Variants in YIPF7 observed in about 807,000 individuals in gnomAD.
The protein encoded by YIPF7 is Yip1 domain family member 7, also known as protein YIPF7.
A neutral mutation model predicts 27.2 loss-of-function variants in YIPF7; 35 were observed. The observed-to-expected ratio is 1.29, with a 90% CI of 0.98 to 1.70. The LOEUF (loss-of-function observed/expected upper bound fraction) is 1.70, where lower values mean the gene tolerates loss of function less well. Among genes scored for constraint, YIPF7 ranks in the 40% most tolerant of loss-of-function variants. The pLI is 0.00. For missense variants in YIPF7, 358 were observed against 303.7 expected (o/e 1.18, Z -1.33); for synonymous variants, 137 against 110.4 (o/e 1.24, Z -1.51).
At chr4:44,649,458 A>G (rs1292542169) in intron 2 of YIPF7, among the ~76,000 whole-genome samples, 3 of 152,160 alleles carry the variant, frequency 2.0e-5, no homozygotes, top group East Asian at 3.8e-4. Flanking sequence ...CCCTGCCATA[A>G]TATTAAGACT....
intron 3 of YIPF7, among the ~76,000 whole-genome samples, chr4:44,633,842 C>A (rs373168646): frequency 6.6e-6 from 1 of 151,894 alleles, no homozygotes; most frequent in Non-Finnish European, 1.5e-5. Context: ...ACAAAAAAAC[C>A]CATGAAAAAT....
At position 44,660,127 on chromosome 4, in the gene YIPF7, A is replaced by AAAAAAAAAAC. The variant is rs1560332847; in HGVS notation, c.-2+312_-2+321dup. On this transcript the variant is annotated intron_variant, in intron 2 of 2. Coordinates refer to the YIPF7 transcript ENST00000508947. ...AGACTCTGTCTCAAAAAAAAAAAAA[A>AAAAAAAAAAC]AAAAAAAAACGAACCTTACAGTGAC... Among the ~76,000 whole-genome samples, 6 of 146,792 alleles carry AAAAAAAAAAC rather than the reference A, an allele frequency of 4.1e-5. 1 individual carries two copies. Among genetic ancestry groups the AAAAAAAAAAC allele is most frequent in the African/African-American group, 1.5e-4 (6 of 40,634 alleles).
chr4:44,629,387 T>C lies in YIPF7; in HGVS notation c.426+16A>G. ...AGGACAAGCATTAAAATCTGGTGCT[T>C]CCTGTGACACATTACCAGAAGCAAG... is the stretch of plus-strand genomic sequence containing the variant. On this transcript the variant is annotated intron_variant, in intron 4 of 5. Transcript: ENST00000415895. 1.9e-6 allele frequency: 3 copies of C among 1,577,932 alleles called. No individual in the cohort carries two copies. Among genetic ancestry groups the C allele is most frequent in the Non-Finnish European group, 1.7e-6 (2 of 1,163,730 alleles).
chr4:44,660,548 G>A (rs1014387034), exon 2 of YIPF7: 1 of 152,234 alleles, frequency 6.6e-6, no homozygotes, highest in African/African-American at 2.4e-5. Context: ...CAAGTCCCCA[G>A]CTGGTCGAGT....
intron 2 of YIPF7, among the ~76,000 whole-genome samples, chr4:44,646,148 GAA>G (rs1713517495): frequency 2.6e-5 from 4 of 152,152 alleles, no homozygotes; most frequent in Non-Finnish European, 5.9e-5. Flanking sequence ...AGGCAACATA[GAA>G]TTAACTAGTT....
intron 2 of YIPF7, among the ~76,000 whole-genome samples, chr4:44,642,238 A>G (rs1713349632): frequency 6.6e-6 from 1 of 152,208 alleles, no homozygotes. Context: ...AAAATTTTAC[A>G]GAAAAAAATT....
intron 2 of YIPF7, among the ~76,000 whole-genome samples, chr4:44,658,715 A>G (rs1461944655): frequency 2.0e-5 from 3 of 152,224 alleles, no homozygotes; most frequent in Admixed American, 2.0e-4. Context: ...GTAATTTACA[A>G]AGAAAAATCA....
At chr4:44,640,245 A>G (rs1713280524) in intron 2 of YIPF7, among the ~76,000 whole-genome samples, 3 of 152,194 alleles carry the variant, frequency 2.0e-5, no homozygotes. Context: ...TTTTGGGAAC[A>G]GTTTCAAGAG....
chr4:44,661,234 G>C (rs74845996), intron 1 of YIPF7, among the ~76,000 whole-genome samples: 7,929 of 152,262 alleles, frequency 0.052, 268 homozygotes, highest in East Asian at 0.15. Context: ...TGAAGGTTGT[G>C]ACTATAAACC....
chr4:44,622,630 A>G, intron 5 of YIPF7, 54 bp from the exon 6 acceptor site: 1 of 1,584,390 alleles, frequency 6.3e-7, no homozygotes, highest in Non-Finnish European at 8.6e-7. Context: ...GAGATTATTG[A>G]GTTAAAGTTG....
chr4:44,632,369 T>C (rs1232299118), intron 3 of YIPF7, among the ~76,000 whole-genome samples: 1 of 152,240 alleles, frequency 6.6e-6, no homozygotes, highest in Non-Finnish European at 1.5e-5. Flanking sequence ...ACGCAAATTG[T>C]GGCATTGGCC....
chr4:44,625,278 G>A (rs1712594319), intron 4 of YIPF7, among the ~76,000 whole-genome samples: 1 of 152,186 alleles, frequency 6.6e-6, no homozygotes, highest in South Asian at 2.1e-4. Flanking sequence ...TATGAAATCA[G>A]TATCATTATT....
At chr4:44,657,354 A>G (rs372790387) in intron 2 of YIPF7, among the ~76,000 whole-genome samples, 11 of 152,196 alleles carry the variant, frequency 7.2e-5, no homozygotes, top group African/African-American at 2.7e-4. Context: ...TTTATGTTTC[A>G]TACACAAATC....
In YIPF7 at chr4:44,624,618, G is replaced by A; in HGVS notation, c.591C>T (p.Ala197=). 6.3e-7 allele frequency: 1 copy of A among 1,592,384 alleles called. No homozygotes were observed. Among genetic ancestry groups the A allele is most frequent in the Non-Finnish European group, 8.5e-7 (1 of 1,170,368 alleles). The change falls in exon 5 of 6, where the codon GCC becomes GCT. Residue 197 remains alanine (A), a synonymous_variant. Coordinates refer to ENST00000415895, the MANE Select transcript of YIPF7 (RefSeq NM_182592.3). ...ACACTTACTGCAGTGAAAAGAACATGGCGCAACCAGACAGGATGACCATGG... is the reference window on the plus strand; with the variant it reads ...ACACTTACTGCAGTGAAAAGAACATAGCGCAACCAGACAGGATGACCATGG... The part of the protein sequence containing the change: ...LLPMVILSGC[A]MFFSLQGIFG...
At chr4:44,638,948 T>C (rs1264469608) in intron 2 of YIPF7, among the ~76,000 whole-genome samples, 1 of 152,234 alleles carries the variant, frequency 6.6e-6, no homozygotes, top group East Asian at 1.9e-4. Flanking sequence ...GAAAAGAGTG[T>C]CCTTTTTCCA....
intron 4 of YIPF7, among the ~76,000 whole-genome samples, chr4:44,627,906 G>C (rs371985957): frequency 4.6e-5 from 7 of 152,054 alleles, no homozygotes; most frequent in Non-Finnish European, 8.8e-5. Context: ...ATATAAGAAG[G>C]GTTATGTAAA....
chr4:44,622,398 C>T lies in YIPF7; in HGVS notation c.*16G>A, dbSNP rs367834984. On this transcript the variant is annotated 3_prime_UTR_variant, in exon 6 of 6. Coordinates refer to ENST00000415895, the MANE Select transcript of YIPF7 (RefSeq NM_182592.3). ...GGACAGCAAACAGAGTCTTGAAATGCCATCTCAAACATTCTTTAGAAAATT... is the reference window on the plus strand; with the variant it reads ...GGACAGCAAACAGAGTCTTGAAATGTCATCTCAAACATTCTTTAGAAAATT... 1.4e-5 allele frequency: 22 copies of T among 1,604,198 alleles called. No individual in the cohort carries two copies. Among genetic ancestry groups the T allele is most frequent in the East Asian group, 2.2e-5 (1 of 44,652 alleles).
chr4:44,655,357 T>C (rs73177672), upstream of YIPF7, among the ~76,000 whole-genome samples: 11,663 of 152,006 alleles, frequency 0.077, 528 homozygotes, highest in Admixed American at 0.13. Context: ...ACACTTAGTA[T>C]GTGAAAGAAC....
chr4:44,655,109 T>C (rs1713853541), upstream of YIPF7, among the ~76,000 whole-genome samples: 1 of 152,052 alleles, frequency 6.6e-6, no homozygotes, highest in Admixed American at 6.6e-5. Context: ...TCAATAGATA[T>C]ATTGGCAACA....
Sources: gnomAD v4.1 joint callset for allele counts (sites outside exome capture counted in the v4.1 genomes callset) on GRCh38, gnomAD v4.1.1 for gene constraint, MANE v1.5 for transcripts, NCBI Gene and HGNC (gene_info 2026-07-23, HGNC 2026-07-21) for gene names.